Variants in PDE12 observed in about 807,000 individuals in gnomAD.
PDE12 encodes phosphodiesterase 12, also known as 2',5'-phosphodiesterase 12.
In PDE12, 26 loss-of-function variants were observed where a neutral mutation model predicts 45.4. The observed-to-expected ratio is 0.57, with a 90% confidence interval of 0.42 to 0.79. The LOEUF (loss-of-function observed/expected upper bound fraction) is 0.79. PDE12 is among the 30% of genes least tolerant of loss of function. PDE12 has a pLI of 0.00. For synonymous variants in PDE12, 283 were observed against 323.9 expected (o/e 0.87, Z 1.36); for missense variants, 668 against 790.0 (o/e 0.85, Z 1.85).
intron 1 of PDE12, among the ~76,000 whole-genome samples, 170 bp downstream of exon 1, chr3:57,557,857 A>AT (rs933218119): frequency 6.6e-6 from 1 of 152,176 alleles, no homozygotes; most frequent in Admixed American, 6.5e-5. Context: ...TTCAGCAGAT[A>AT]TTTTTTGAAC....
chr3:57,586,576 G>A, the PDE12 span, among the ~76,000 whole-genome samples: 3 of 151,998 alleles, frequency 2.0e-5, no homozygotes, highest in African/African-American at 4.8e-5. Flanking sequence ...CTTCGTACTC[G>A]GATACAGGTT....
At chr3:57,579,037 CT>C in the PDE12 span, among the ~76,000 whole-genome samples, 4 of 152,116 alleles carry the variant, frequency 2.6e-5, no homozygotes, top group East Asian at 7.8e-4. Flanking sequence ...TGGCTTTCGC[CT>C]GTAATCCCAG....
chr3:57,633,710 GA>G, the PDE12 span, among the ~76,000 whole-genome samples: 1 of 152,078 alleles, frequency 6.6e-6, no homozygotes, highest in African/African-American at 2.4e-5. Context: ...CCATCATGGT[GA>G]AACCCCGTCT....
chr3:57,611,460 G>C, the PDE12 span, among the ~76,000 whole-genome samples: 67 of 152,178 alleles, frequency 4.4e-4, no homozygotes, highest in East Asian at 1.9e-3. Context: ...TACAGAATGG[G>C]AGAAAATTTT....
chr3:57,596,921 C>G, the PDE12 span: 1 of 738,716 alleles, frequency 1.4e-6, no homozygotes, highest in Non-Finnish European at 2.2e-6. Context: ...ACCCTCCGCT[C>G]CATTGTTCCC....
chr3:57,636,702 T>C, the PDE12 span, among the ~76,000 whole-genome samples: 1 of 152,030 alleles, frequency 6.6e-6, no homozygotes, highest in Non-Finnish European at 1.5e-5. Flanking sequence ...TTTGGAAAGC[T>C]GAGGCGGGTG....
the PDE12 span, chr3:57,577,357 G>C: frequency 6.2e-7 from 1 of 1,613,346 alleles, no homozygotes; most frequent in Non-Finnish European, 8.5e-7. Context: ...ATTCTTTCAC[G>C]ATCGTTGCTA....
chr3:57,602,822 C>T, the PDE12 span, among the ~76,000 whole-genome samples: 32 of 152,262 alleles, frequency 2.1e-4, no homozygotes, highest in East Asian at 5.6e-3. Context: ...CCACCCGCCT[C>T]GGTCTCCCAG....
chr3:57,569,040 T>C (rs973373730), downstream of PDE12, among the ~76,000 whole-genome samples: 1 of 152,162 alleles, frequency 6.6e-6, no homozygotes, highest in Non-Finnish European at 1.5e-5. Context: ...TATAATCAAC[T>C]GTTCTGTACA....
the PDE12 span, among the ~76,000 whole-genome samples, chr3:57,598,453 T>C: frequency 1.3e-5 from 2 of 152,178 alleles, no homozygotes; most frequent in African/African-American, 2.4e-5. Context: ...CTTCAGAGAC[T>C]GTTATTTCTT....
chr3:57,641,784 A>G, the PDE12 span: 1 of 1,538,558 alleles, frequency 6.5e-7, no homozygotes, highest in Non-Finnish European at 8.9e-7. Context: ...AAAAAAGGTG[A>G]GAAAAAGATG....
chr3:57,653,442 G>T, the PDE12 span, among the ~76,000 whole-genome samples: 1 of 151,974 alleles, frequency 6.6e-6, no homozygotes, highest in Non-Finnish European at 1.5e-5. Flanking sequence ...AACTTCTCTC[G>T]AACTAAAAAA....
chr3:57,588,773 A>T, the PDE12 span, among the ~76,000 whole-genome samples: 9 of 143,986 alleles, frequency 6.3e-5, no homozygotes, highest in African/African-American at 2.4e-4. Flanking sequence ...CCTGGACAAC[A>T]TGGCAAAACC....
At chr3:57,559,113 C>T (rs1325607904) in intron 1 of PDE12, among the ~76,000 whole-genome samples, 197 bp from the exon 2 acceptor site, 1 of 151,794 alleles carries the variant, frequency 6.6e-6, no homozygotes, top group Non-Finnish European at 1.5e-5. Context: ...CCCAGCTACT[C>T]CGGAGGCAGA....
the PDE12 span, among the ~76,000 whole-genome samples, chr3:57,644,213 C>T: frequency 2.0e-5 from 3 of 151,010 alleles, no homozygotes; most frequent in East Asian, 3.9e-4. Flanking sequence ...CTAGCGAACA[C>T]CAACATTTAA....
the PDE12 span, chr3:57,645,637 T>C: frequency 6.4e-7 from 1 of 1,555,106 alleles, no homozygotes; most frequent in Non-Finnish European, 8.8e-7. Flanking sequence ...TAATACCTGG[T>C]CAATAGAAGT....
At chr3:57,587,640 AGAC>A in the PDE12 span, among the ~76,000 whole-genome samples, 2 of 152,124 alleles carry the variant, frequency 1.3e-5, no homozygotes, top group African/African-American at 2.4e-5. Context: ...ATCTTTTTGA[AGAC>A]GACTGCTTGA....
At chr3:57,646,060 C>T in the PDE12 span, among the ~76,000 whole-genome samples, 2 of 152,186 alleles carry the variant, frequency 1.3e-5, no homozygotes, top group African/African-American at 2.4e-5. Flanking sequence ...GGAACAACTT[C>T]ATGTAATGAA....
chr3:57,605,793 G>A, the PDE12 span, among the ~76,000 whole-genome samples: 3 of 152,046 alleles, frequency 2.0e-5, no homozygotes, highest in Non-Finnish European at 2.9e-5. Flanking sequence ...AATAAGTAAA[G>A]ACATGTAAGA....
Sources: allele counts gnomAD v4.1 joint callset (sites outside exome capture counted in the v4.1 genomes callset), GRCh38; gene constraint gnomAD v4.1.1; transcripts MANE v1.5; gene names NCBI Gene and HGNC (gene_info 2026-07-23, HGNC 2026-07-21).